B3GALT1: variants seen among roughly 807,000 people sequenced by gnomAD.
The protein encoded by B3GALT1 is beta-1,3-galactosyltransferase 1.
B3GALT1 carries 10 observed loss-of-function variants against 23.2 expected under a neutral mutation model. The observed-to-expected ratio is 0.43, with a 90% CI of 0.27 to 0.73. B3GALT1 has a LOEUF of 0.73. Among genes scored for constraint, B3GALT1 ranks in the 30% least tolerant of loss-of-function variants. B3GALT1 has a pLI of 0.21. For synonymous variants in B3GALT1, 156 were observed against 141.5 expected, an observed-to-expected ratio of 1.10 and a Z score of -0.73; for missense variants, 299 against 405.4, an observed-to-expected ratio of 0.74 and a Z score of 2.25.
intron 3 of B3GALT1, among the ~76,000 whole-genome samples, chr2:167,809,071 C>T (rs1688822833): frequency 1.3e-5 from 2 of 152,132 alleles, no homozygotes; most frequent in African/African-American, 4.8e-5. Context: ...TTCAGTTGAT[C>T]GAATCAGCTA....
chr2:167,840,541 G>A (rs1270658472), intron 4 of B3GALT1, among the ~76,000 whole-genome samples: 46 of 147,506 alleles, frequency 3.1e-4, no homozygotes, highest in Non-Finnish European at 5.9e-4. Context: ...TGCTGGAGAG[G>A]ATGTGGAGAA....
At chr2:167,300,554 G>A (rs557715489) in intron 1 of B3GALT1, among the ~76,000 whole-genome samples, 1 of 152,154 alleles carries the variant, frequency 6.6e-6, no homozygotes, top group Non-Finnish European at 1.5e-5. Context: ...AAGGTATTAC[G>A]AGTGATGATT....
intron 2 of B3GALT1, among the ~76,000 whole-genome samples, chr2:167,627,944 G>GCTGA (rs1685373796): frequency 6.6e-6 from 1 of 151,544 alleles, no homozygotes; most frequent in African/African-American, 2.4e-5. Context: ...GCATTCCTCT[G>GCTGA]CTGACTGATA....
intron 1 of B3GALT1, among the ~76,000 whole-genome samples, chr2:167,474,308 G>C (rs1455740443): frequency 6.6e-6 from 1 of 152,092 alleles, no homozygotes; most frequent in East Asian, 1.9e-4. Context: ...TTGGATATTA[G>C]GCTGAATTGA....
chr2:167,388,371 C>T (rs1043548616), intron 1 of B3GALT1, among the ~76,000 whole-genome samples: 2 of 152,060 alleles, frequency 1.3e-5, no homozygotes, highest in African/African-American at 4.8e-5. Flanking sequence ...TAAGACAAAC[C>T]ATCTGTTCCA....
At chr2:167,456,036 T>C (rs1029678425) in intron 1 of B3GALT1, among the ~76,000 whole-genome samples, 2 of 152,182 alleles carry the variant, frequency 1.3e-5, no homozygotes, top group Admixed American at 6.5e-5. Flanking sequence ...GACCCTGTAT[T>C]AGTCTGTTCT....
intron 3 of B3GALT1, among the ~76,000 whole-genome samples, chr2:167,800,498 C>T (rs1483230488): frequency 1.3e-5 from 2 of 152,152 alleles, no homozygotes; most frequent in African/African-American, 2.4e-5. Flanking sequence ...TCAAATAAAG[C>T]ATAAAGATAT....
At chr2:167,779,475 A>G (rs1217141032) in intron 3 of B3GALT1, among the ~76,000 whole-genome samples, 3 of 152,202 alleles carry the variant, frequency 2.0e-5, no homozygotes, top group Non-Finnish European at 4.4e-5. Context: ...TCTGACTTGC[A>G]TAAAATATAT....
intron 1 of B3GALT1, among the ~76,000 whole-genome samples, chr2:167,315,195 C>T (rs141815523): frequency 9.1e-4 from 138 of 152,174 alleles, no homozygotes; most frequent in African/African-American, 3.2e-3. Flanking sequence ...TTTTGCTCCA[C>T]GTCAACCCAT....
intron 3 of B3GALT1, among the ~76,000 whole-genome samples, chr2:167,771,093 G>A (rs1489931529): frequency 1.3e-5 from 2 of 152,138 alleles, no homozygotes; most frequent in Non-Finnish European, 2.9e-5. Context: ...ATGTCCTTGG[G>A]CAGGAGCTTC....
chr2:167,671,820 A>T (rs1044967663), intron 3 of B3GALT1, among the ~76,000 whole-genome samples: 23 of 152,088 alleles, frequency 1.5e-4, no homozygotes, highest in Non-Finnish European at 1.2e-4. Flanking sequence ...GACTAATAAA[A>T]ATAAAAATGA....
intron 3 of B3GALT1, among the ~76,000 whole-genome samples, chr2:167,701,114 A>G (rs1686875583): frequency 6.6e-6 from 1 of 152,220 alleles, no homozygotes; most frequent in Admixed American, 6.5e-5. Context: ...CAAATTAACA[A>G]AAAAGCTGAA....
chr2:167,611,722 A>G (rs1198374296), intron 2 of B3GALT1, among the ~76,000 whole-genome samples: 1 of 151,970 alleles, frequency 6.6e-6, no homozygotes, highest in Non-Finnish European at 1.5e-5. Flanking sequence ...ACATAGTTAC[A>G]TCTCAGCCAA....
At chr2:167,591,831 G>A (rs1247306950) in intron 2 of B3GALT1, among the ~76,000 whole-genome samples, 3 of 151,990 alleles carry the variant, frequency 2.0e-5, no homozygotes, top group Non-Finnish European at 4.4e-5. Context: ...AGAGTAAATA[G>A]AGAGGGACAA....
chr2:167,808,680 TG>T, intron 3 of B3GALT1, among the ~76,000 whole-genome samples: 1 of 151,708 alleles, frequency 6.6e-6, no homozygotes, highest in Middle Eastern at 3.4e-3. Flanking sequence ...CTTCCCTTTG[TG>T]GGTAACCTGA....
intron 1 of B3GALT1, among the ~76,000 whole-genome samples, chr2:167,302,620 ATTT>A (rs939940940): frequency 2.0e-5 from 3 of 152,090 alleles, no homozygotes; most frequent in African/African-American, 7.2e-5. Context: ...ATTAAAATAA[ATTT>A]TTTTATTGTC....
At chr2:167,629,325 G>T (rs1351644051) in intron 2 of B3GALT1, among the ~76,000 whole-genome samples, 3 of 151,710 alleles carry the variant, frequency 2.0e-5, no homozygotes, top group African/African-American at 7.2e-5. Flanking sequence ...TTGGCCTGAA[G>T]TTATTAAACT....
intron 4 of B3GALT1, among the ~76,000 whole-genome samples, chr2:167,835,513 T>C (rs1689444317): frequency 6.6e-6 from 1 of 152,150 alleles, no homozygotes; most frequent in South Asian, 2.1e-4. Context: ...CTTGCTTAGG[T>C]AAACAAAGCA....
At chr2:167,398,594 G>A (rs1698137825) in intron 1 of B3GALT1, among the ~76,000 whole-genome samples, 1 of 152,056 alleles carries the variant, frequency 6.6e-6, no homozygotes, top group East Asian at 1.9e-4. Flanking sequence ...AAAATGTTAT[G>A]AAAGACACAT....
Sources: gnomAD v4.1 joint callset for allele counts (sites outside exome capture counted in the v4.1 genomes callset) on GRCh38, gnomAD v4.1.1 for gene constraint, MANE v1.5 for transcripts, NCBI Gene and HGNC (gene_info 2026-07-23, HGNC 2026-07-21) for gene names.